Variants in CELSR1 observed in about 807,000 individuals in gnomAD.
The protein encoded by CELSR1 is cadherin EGF LAG seven-pass G-type receptor 1.
In CELSR1, 110 loss-of-function variants were observed where a neutral mutation model predicts 249.1. The ratio of observed to expected loss-of-function variants is 0.44; its 90% confidence interval spans 0.38 to 0.52. The LOEUF is 0.52. Ranked by LOEUF, CELSR1 falls within the 20% of genes least tolerant of loss-of-function variation. The probability of loss-of-function intolerance (pLI) is 0.00; values close to 1 mark genes in which losing one functional copy is unlikely to be tolerated. For missense variants in CELSR1, 4,109 were observed against 4,296.4 expected (o/e 0.96, Z 1.22); for synonymous variants, 2,113 against 1,900.0 (o/e 1.11, Z -2.92).
rs778140368 is a variant in CELSR1, at chr22:46,367,079, C to T, written c.8119G>A (p.Glu2707Lys). The change falls in exon 29 of 35, where the codon GAG becomes AAG. Residue 2707 changes from glutamate (E) to lysine (K), a missense_variant. By Grantham distance (56) the Glu-to-Lys change is moderately conservative. This residue lies in a region of CELSR1 where 1,805 missense variants were observed against 1,831.6 expected (regional missense o/e 0.99). Transcript: ENST00000674500. ...VLLFHCVLNQ[E>K]VRKHLKGVLG... The stretch of plus-strand genomic sequence containing the variant: ...ACGCCCTTCAGGTGCTTCCGGACCT[C>T]CTGGTTGAGCACGCAGTGGAAAAGG... 28 of 1,611,556 alleles carry T rather than the reference C, an allele frequency of 1.7e-5. No individual in the cohort carries two copies. The highest frequency in any genetic ancestry group is 2.2e-5 in the Non-Finnish European group (26 of 1,179,744).
At chr22:46,368,648 G>A (rs1393616171) in intron 27 of CELSR1, among the ~76,000 whole-genome samples, 4 of 152,052 alleles carry the variant, frequency 2.6e-5, no homozygotes, top group African/African-American at 9.7e-5. Flanking sequence ...TGACCCTGTC[G>A]TGGCTCCTGG....
chr22:46,436,324 A>T lies in CELSR1; in HGVS notation c.4407-35T>A. On this transcript the variant is annotated intron_variant, in intron 3 of 34. Transcript: ENST00000674500. The surrounding 1 kb of genome is among the most constrained non-coding windows in gnomAD (Gnocchi z 5.9). Reference sequence around the variant, plus strand: ...CAAGCAGAGGCACATCACAGGATGAAGACCCCAGGGTCCAAAGGCTGCCTA... The same window carrying T: ...CAAGCAGAGGCACATCACAGGATGATGACCCCAGGGTCCAAAGGCTGCCTA... The T allele has an allele frequency of 6.4e-7, 1 of 1,555,906 alleles. No homozygotes were observed. The highest frequency in any genetic ancestry group is 8.9e-7 in the Non-Finnish European group (1 of 1,128,228).
Position 46,411,859 on chromosome 22 carries a change from G to A in CELSR1, c.4612-100C>T. On this transcript the variant is annotated intron_variant, in intron 5 of 34. Transcript: ENST00000674500. The surrounding 1 kb of genome is among the most constrained non-coding windows in gnomAD (Gnocchi z 4.2). ...TAGAGCGAGGAGGACATGGCACAGG[G>A]TGGGCGGCACGTAGACAAGGGATGA... 6.7e-7 allele frequency: 1 copy of A among 1,490,324 alleles called. No homozygotes were observed. Among genetic ancestry groups the A allele is most frequent in the Admixed American group, 1.7e-5 (1 of 58,340 alleles). 92.3% of individuals were successfully genotyped at this position (1,490,324 alleles called of 1,614,324 possible).
At position 46,409,575 on chromosome 22, in the gene CELSR1, G is replaced by T. The variant is rs2079307357; in HGVS notation, c.5059+180C>A. On this transcript the variant is annotated intron_variant, in intron 8 of 34. Transcript: ENST00000674500. The surrounding 1 kb of genome is among the most constrained non-coding windows in gnomAD (Gnocchi z 9.8). The stretch of plus-strand genomic sequence containing the variant: ...CTGGGGACCCCAGAAGCAGGAGCAG[G>T]GGCTCTGCGGAGGACAGTCTCTTGG... 6.6e-6 allele frequency among the ~76,000 whole-genome samples: 1 copy of T among 152,118 alleles called. No homozygotes were observed. Among genetic ancestry groups the T allele is most frequent in the Admixed American group, 6.5e-5 (1 of 15,288 alleles).
chr22:46,537,036 C>T lies in CELSR1; in HGVS notation c.135G>A (p.Arg45=), dbSNP rs1693113154. The T allele has an allele frequency of 9.1e-7, 1 of 1,099,452 alleles. No homozygotes were observed. The highest frequency in any genetic ancestry group is 1.1e-6 in the Non-Finnish European group (1 of 903,728). 68.1% of individuals were successfully genotyped at this position (1,099,452 alleles called of 1,614,324 possible). A position where few individuals can be genotyped will look rare whatever the true frequency, so the allele number is the denominator to read the frequency against. The change falls in exon 1 of 35, where the codon CGG becomes CGA. Residue 45 remains arginine (R), a synonymous_variant. Transcript: ENST00000674500. This position sits in a 1 kb window ranked among gnomAD's most constrained non-coding sequence, Gnocchi z 5.8. ...VPGGTRAFAL[R]PGCTYAVGAA... is the part of the protein sequence containing the mutation. ...CGCCCACCGCGTAGGTACAGCCGGG[C>T]CGGAGGGCGAAGGCGCGGGTCCCGC...
chr22:46,458,938 G>A (rs772183954), intron 2 of CELSR1, among the ~76,000 whole-genome samples: 12 of 152,132 alleles, frequency 7.9e-5, no homozygotes, highest in Non-Finnish European at 1.8e-4. Flanking sequence ...TGTCGCCCAG[G>A]CTGGAGTGCA....
At chr22:46,424,827 C>T (rs2147394942) in intron 5 of CELSR1, among the ~76,000 whole-genome samples, 1 of 152,260 alleles carries the variant, frequency 6.6e-6, no homozygotes, top group African/African-American at 2.4e-5. Context: ...ACAAAATTAG[C>T]CGAGCATGGT....
Position 46,391,367 on chromosome 22 carries a change from G to C in CELSR1, c.6149-80C>G. The C allele has an allele frequency of 7.8e-7, 1 of 1,282,654 alleles. No individual in the cohort carries two copies. 79.5% of individuals were successfully genotyped at this position (1,282,654 alleles called of 1,614,324 possible). ...CAAACAGGCACCACTGTCTGCATGCGCCTCCCTGCAGGAGGCCCTGCTCCC... is the reference window on the plus strand; with the variant it reads ...CAAACAGGCACCACTGTCTGCATGCCCCTCCCTGCAGGAGGCCCTGCTCCC... On this transcript the variant is annotated intron_variant, in intron 15 of 34. Coordinates refer to ENST00000674500, the MANE Select transcript of CELSR1 (RefSeq NM_001378328.1). This position sits in a 1 kb window ranked among gnomAD's most constrained non-coding sequence, Gnocchi z 4.3.
intron 19 of CELSR1, among the ~76,000 whole-genome samples, 185 bp from the exon 20 acceptor site, chr22:46,384,871 C>T (rs2079016172): frequency 7.0e-6 from 1 of 143,372 alleles, no homozygotes; most frequent in Admixed American, 6.7e-5. Flanking sequence ...CTCACTGCAA[C>T]CTCCGCCTCC....
Position 46,381,827 on chromosome 22 carries a change from C to T in CELSR1, c.7088+19G>A, listed in dbSNP as rs1297641851. 2 of 1,539,924 alleles carry T rather than the reference C, an allele frequency of 1.3e-6. No individual in the cohort carries two copies. The highest frequency in any genetic ancestry group is 1.7e-6 in the Non-Finnish European group (2 of 1,146,284). Reference sequence around the variant, plus strand: ...CTCCAGAACGGGCCCTCCCCGTGTGCCCCGTGCCCAGGCCTTACCGGAGGC... The same window carrying T: ...CTCCAGAACGGGCCCTCCCCGTGTGTCCCGTGCCCAGGCCTTACCGGAGGC... On this transcript the variant is annotated intron_variant, in intron 21 of 34. Coordinates refer to ENST00000674500, the MANE Select transcript of CELSR1 (RefSeq NM_001378328.1). This position sits in a 1 kb window ranked among gnomAD's most constrained non-coding sequence, Gnocchi z 6.0.
intron 1 of CELSR1, among the ~76,000 whole-genome samples, chr22:46,496,451 C>T (rs2147716257): frequency 6.6e-6 from 1 of 152,082 alleles, no homozygotes; most frequent in East Asian, 1.9e-4. Context: ...ACCTGTACTC[C>T]CAGCTACTCA....
chr22:46,409,785 G>A lies in CELSR1; in HGVS notation c.5029C>T (p.Leu1677Phe), dbSNP rs754746614. 2 of 1,613,876 alleles carry A rather than the reference G, an allele frequency of 1.2e-6. No individual in the cohort carries two copies. Among genetic ancestry groups the A allele is most frequent in the Non-Finnish European group, 1.7e-6 (2 of 1,180,002 alleles). Residue 1677 changes from leucine (L) to phenylalanine (F), a missense_variant, in exon 8 of 35, where the codon CTC becomes TTC. By Grantham distance (22) the Leu-to-Phe change is conservative. Around this residue, in one of 7 missense-constraint regions of CELSR1, gnomAD observed 453 missense variants for 492.0 expected, o/e 0.92. Coordinates refer to ENST00000674500, the MANE Select transcript of CELSR1 (RefSeq NM_001378328.1). The surrounding 1 kb of genome is among the most constrained non-coding windows in gnomAD (Gnocchi z 9.8). Reference protein sequence around the residue: ...RWNMYLCECPLRFGGKNCEQA... With the variant: ...RWNMYLCECPFRFGGKNCEQA... ...TCACAGTTCTTCCCGCCGAATCGGA[G>A]TGGACACTCACACAGATACATATTC...
At position 46,362,872 on chromosome 22, in the gene CELSR1, G is replaced by C; in HGVS notation, c.*351C>G. ...CTGTGCCCGGCGTTCCTGAACTCTGGCCAGCCTCTGGGCCCAGTCTGGGGT... is the reference window on the plus strand; with the variant it reads ...CTGTGCCCGGCGTTCCTGAACTCTGCCCAGCCTCTGGGCCCAGTCTGGGGT... On this transcript the variant is annotated 3_prime_UTR_variant, in exon 35 of 35. Transcript: ENST00000674500. 1 of 430,902 alleles carries C rather than the reference G, an allele frequency of 2.3e-6. No individual in the cohort carries two copies. Among genetic ancestry groups the C allele is most frequent in the African/African-American group, 2.0e-5 (1 of 50,692 alleles). 26.7% of individuals were successfully genotyped at this position (430,902 alleles called of 1,614,324 possible). A position where few individuals can be genotyped will look rare whatever the true frequency, so the allele number is the denominator to read the frequency against.
intron 17 of CELSR1, among the ~76,000 whole-genome samples, 155 bp from the exon 18 acceptor site, chr22:46,389,654 G>A (rs1023476641): frequency 5.3e-5 from 8 of 152,240 alleles, no homozygotes; most frequent in African/African-American, 9.6e-5. Context: ...GGTGGCTCAC[G>A]CCTGTAATCC....
chr22:46,431,961 C>T (rs1323248493), intron 5 of CELSR1, among the ~76,000 whole-genome samples: 1 of 152,222 alleles, frequency 6.6e-6, no homozygotes, highest in African/African-American at 2.4e-5. Context: ...AGACCCTGCC[C>T]AGACACCTGC....
rs1602068172 is a variant in CELSR1 at position 46,391,907 on chromosome 22, A to C, written c.5965-91T>G. 3 of 1,371,088 alleles carry C rather than the reference A, an allele frequency of 2.2e-6. No individual in the cohort carries two copies. The highest frequency in any genetic ancestry group is 2.7e-5 in the South Asian group (2 of 75,146). 84.9% of individuals were successfully genotyped at this position (1,371,088 alleles called of 1,614,324 possible). A position where few individuals can be genotyped will look rare whatever the true frequency, so the allele number is the denominator to read the frequency against. On this transcript the variant is annotated intron_variant, in intron 14 of 34. Coordinates refer to ENST00000674500, the MANE Select transcript of CELSR1 (RefSeq NM_001378328.1). This position sits in a 1 kb window ranked among gnomAD's most constrained non-coding sequence, Gnocchi z 4.3. ...TTTCCCGAGCGACGTCCAGACTCCC[A>C]CCCGGGTGTGTGTGTTGGCCGCCAG...
At position 46,410,106 on chromosome 22, in the gene CELSR1, C is replaced by G. The variant is rs1390281070; in HGVS notation, c.4934-226G>C. On this transcript the variant is annotated intron_variant, in intron 7 of 34. Transcript: ENST00000674500. This position sits in a 1 kb window ranked among gnomAD's most constrained non-coding sequence, Gnocchi z 6.8. ...GACGCCAGGCCATCACGGCAGCCGG[C>G]CCGGTCACCTGGTGACACATATGCA... Among the ~76,000 whole-genome samples, 1 of 152,224 alleles carries G rather than the reference C, an allele frequency of 6.6e-6. No individual in the cohort carries two copies. Among genetic ancestry groups the G allele is most frequent in the Non-Finnish European group, 1.5e-5 (1 of 68,032 alleles).
intron 32 of CELSR1, 108 bp from the exon 33 acceptor site, chr22:46,364,844 C>G (rs578085547): frequency 1.8e-6 from 2 of 1,111,306 alleles, no homozygotes; most frequent in South Asian, 3.0e-5. Context: ...AACCTGCAGG[C>G]CTGGTAGGGC....
At position 46,530,749 on chromosome 22, in the gene CELSR1, C is replaced by T. The variant is rs557545898; in HGVS notation, c.3544+2878G>A. Among the ~76,000 whole-genome samples, 8 of 152,358 alleles carry T rather than the reference C, an allele frequency of 5.3e-5. 1 individual carries two copies. The South Asian group carries it at 6.2e-4, about 12-fold the overall frequency. ...GTCACAGTCACAGTGTTCAACCCCA[C>T]GCCAGGCTAAATGAACTGCCCCCAC... On this transcript the variant is annotated intron_variant, in intron 1 of 34. Transcript: ENST00000674500.
Sources: gnomAD v4.1 joint callset for allele counts (sites outside exome capture counted in the v4.1 genomes callset) on GRCh38, gnomAD v4.1.1 for gene constraint, gnomAD v4.1.1 regional missense constraint, Gnocchi (gnomAD v3.1) non-coding constraint, MANE v1.5 for transcripts, NCBI Gene and HGNC (gene_info 2026-07-23, HGNC 2026-07-21) for gene names.